Variants in MAD1L1 observed in about 807,000 individuals in gnomAD.
MAD1L1 encodes mitotic spindle assembly checkpoint protein MAD1.
MAD1L1 carries 95 observed loss-of-function variants against 96.9 expected under a neutral mutation model. The observed-to-expected ratio is 0.98, with a 90% CI of 0.83 to 1.16. The LOEUF (loss-of-function observed/expected upper bound fraction) is 1.16, where lower values mean the gene tolerates loss of function less well. Ranked by LOEUF, MAD1L1 falls within the 50% of genes most tolerant of loss-of-function variation. The pLI, the probability that MAD1L1 is intolerant of heterozygous loss-of-function variation, is 0.00. For synonymous variants in MAD1L1, 473 were observed against 396.6 expected (o/e 1.19, Z -2.29); for missense variants, 1,007 against 954.4 (o/e 1.06, Z -0.73).
chr7:1,912,068 CAGG>C (rs1562517298), intron 17 of MAD1L1, among the ~76,000 whole-genome samples: 1 of 152,204 alleles, frequency 6.6e-6, no homozygotes, highest in Non-Finnish European at 1.5e-5. Flanking sequence ...CAGAAGTCTG[CAGG>C]AGTACACATA....
intron 16 of MAD1L1, among the ~76,000 whole-genome samples, chr7:1,943,348 G>T (rs1055233449): frequency 4.6e-5 from 7 of 152,224 alleles, no homozygotes; most frequent in East Asian, 1.9e-4. Flanking sequence ...GAAAATGTCT[G>T]CAAATCTATA....
At chr7:2,056,170 C>A (rs1225171038) in intron 12 of MAD1L1, among the ~76,000 whole-genome samples, 1 of 152,150 alleles carries the variant, frequency 6.6e-6, no homozygotes, top group East Asian at 1.9e-4. Context: ...CCTGGAGGGT[C>A]ACAGAGGATG....
intron 14 of MAD1L1, among the ~76,000 whole-genome samples, chr7:1,986,528 C>A (rs1300617970): frequency 6.6e-6 from 1 of 152,040 alleles, no homozygotes; most frequent in Non-Finnish European, 1.5e-5. Context: ...CCGCGGCTCC[C>A]TCGCGCCGGC....
At chr7:2,047,607 G>A (rs181892489) in intron 12 of MAD1L1, among the ~76,000 whole-genome samples, 292 of 152,346 alleles carry the variant, frequency 1.9e-3, no homozygotes, top group Non-Finnish European at 3.5e-3. Context: ...TGAGGGTCTC[G>A]TGGGAAAAGA....
At chr7:1,856,019 G>A (rs1449762404) in intron 18 of MAD1L1, among the ~76,000 whole-genome samples, 2 of 152,188 alleles carry the variant, frequency 1.3e-5, no homozygotes, top group African/African-American at 2.4e-5. Flanking sequence ...GTGCGCTCAC[G>A]TGGGGTGCGG....
At chr7:2,203,082 T>C (rs1317057565) in intron 10 of MAD1L1, among the ~76,000 whole-genome samples, 1 of 151,966 alleles carries the variant, frequency 6.6e-6, no homozygotes, top group Non-Finnish European at 1.5e-5. Context: ...CCCTCAGGCC[T>C]GCCCTTGCTG....
intron 10 of MAD1L1, among the ~76,000 whole-genome samples, chr7:2,160,545 G>A (rs922107121): frequency 1.3e-5 from 2 of 151,980 alleles, no homozygotes; most frequent in African/African-American, 4.8e-5. Context: ...GTGTTAGCCA[G>A]GATGGTCTCG....
chr7:1,956,714 T>C (rs912295356), intron 16 of MAD1L1, among the ~76,000 whole-genome samples: 4 of 152,334 alleles, frequency 2.6e-5, no homozygotes, highest in Middle Eastern at 3.4e-3. Flanking sequence ...GCTCCGCTAG[T>C]GAGCTCCCGA....
At chr7:2,054,113 G>A (rs367947223) in intron 12 of MAD1L1, among the ~76,000 whole-genome samples, 40 of 152,348 alleles carry the variant, frequency 2.6e-4, no homozygotes, top group African/African-American at 9.4e-4. Context: ...ACACAGTGCT[G>A]TGGCCATCTC....
intron 11 of MAD1L1, among the ~76,000 whole-genome samples, chr7:2,104,092 C>T (rs1786961372): frequency 1.3e-5 from 2 of 152,256 alleles, no homozygotes; most frequent in South Asian, 4.1e-4. Flanking sequence ...AACTGCACAA[C>T]AGGCCATATC....
chr7:2,076,266 G>A (rs1785369818), intron 11 of MAD1L1, among the ~76,000 whole-genome samples: 1 of 152,230 alleles, frequency 6.6e-6, no homozygotes, highest in Admixed American at 6.5e-5. Context: ...GATCCCCAAT[G>A]TGATGGTGAC....
chr7:1,976,257 G>A (rs1305461705), intron 15 of MAD1L1, among the ~76,000 whole-genome samples: 3 of 152,230 alleles, frequency 2.0e-5, no homozygotes, highest in Admixed American at 6.5e-5. Flanking sequence ...GAATGAAACC[G>A]TGGACCCTCA....
At chr7:2,157,511 G>A (rs956156062) in intron 10 of MAD1L1, among the ~76,000 whole-genome samples, 1 of 152,178 alleles carries the variant, frequency 6.6e-6, no homozygotes, top group Non-Finnish European at 1.5e-5. Context: ...GTCCCCTACA[G>A]TCTCTGCTCA....
intron 16 of MAD1L1, among the ~76,000 whole-genome samples, chr7:1,949,797 C>T (rs556014731): frequency 1.3e-5 from 2 of 152,242 alleles, no homozygotes; most frequent in Non-Finnish European, 2.9e-5. Context: ...CCAAGAGCCG[C>T]GGGGACTGGC....
At chr7:1,881,981 TG>T (rs1242048340) in intron 18 of MAD1L1, among the ~76,000 whole-genome samples, 1 of 152,162 alleles carries the variant, frequency 6.6e-6, no homozygotes, top group Non-Finnish European at 1.5e-5. Flanking sequence ...CCCGTGTCCT[TG>T]GGCCCCACAG....
intron 11 of MAD1L1, among the ~76,000 whole-genome samples, chr7:2,125,281 G>A (rs899061227): frequency 6.6e-6 from 1 of 152,168 alleles, no homozygotes; most frequent in Non-Finnish European, 1.5e-5. Flanking sequence ...TGACAAGGTG[G>A]GTGGGGGTGG....
chr7:2,128,380 C>T (rs1303078240), intron 11 of MAD1L1, among the ~76,000 whole-genome samples: 1 of 151,956 alleles, frequency 6.6e-6, no homozygotes, highest in African/African-American at 2.4e-5. Flanking sequence ...CGGAGGAGGC[C>T]AGACCACCGT....
chr7:1,848,628 C>T (rs115027394), intron 18 of MAD1L1: 40 of 154,374 alleles, frequency 2.6e-4, no homozygotes, highest in African/African-American at 9.6e-4. Flanking sequence ...CGAGCACCAG[C>T]GATTTGCGCT....
chr7:1,877,390 T>G (rs1017041250), intron 18 of MAD1L1, among the ~76,000 whole-genome samples: 18 of 150,830 alleles, frequency 1.2e-4, no homozygotes, highest in Non-Finnish European at 2.9e-5. Flanking sequence ...CCTAGAGCAA[T>G]AACTAAACCA....
Sources: gnomAD v4.1 joint callset for allele counts (sites outside exome capture counted in the v4.1 genomes callset) on GRCh38, gnomAD v4.1.1 for gene constraint, MANE v1.5 for transcripts, NCBI Gene and HGNC (gene_info 2026-07-23, HGNC 2026-07-21) for gene names.